The following PROSER3 variants were observed in gnomAD, a reference collection of about 807,000 sequenced individuals.
PROSER3 encodes the protein proline and serine rich 3, also known as proline and serine-rich protein 3.
A neutral mutation model predicts 50.2 loss-of-function variants in PROSER3; 33 were observed. That is an observed-to-expected ratio of 0.66 (90% CI 0.50 to 0.88). The LOEUF (loss-of-function observed/expected upper bound fraction) is 0.88, where lower values mean the gene tolerates loss of function less well. Ranked by LOEUF, PROSER3 falls within the 40% of genes least tolerant of loss-of-function variation. The pLI, the probability that PROSER3 is intolerant of heterozygous loss-of-function variation, is 0.00. For synonymous variants in PROSER3, 266 were observed against 259.3 expected (o/e 1.03, Z -0.25); for missense variants, 623 against 612.7 (o/e 1.02, Z -0.18).
rs369872849 is a variant in PROSER3 at position 35,760,379 on chromosome 19, G to C, written c.311+388G>C. ...ATTACGATGCATGCCACCACACCCA[G>C]CAAACCTCCCACCTTGGCCTCCAAA... is the stretch of plus-strand genomic sequence containing the variant. On this transcript the variant is annotated intron_variant, in intron 3 of 10. Coordinates refer to ENST00000396908, the Ensembl canonical transcript of PROSER3. Among the ~76,000 whole-genome samples, 4 of 152,080 alleles carry C rather than the reference G, an allele frequency of 2.6e-5. No individual in the cohort carries two copies. In the East Asian group the frequency reaches 7.7e-4, roughly 29 times the overall value.
intron 7 of PROSER3, among the ~76,000 whole-genome samples, chr19:35,766,211 ACTG>A (rs1971136449): frequency 1.3e-5 from 2 of 152,048 alleles, no homozygotes; most frequent in African/African-American, 4.8e-5. Context: ...TCTTCTGGTC[ACTG>A]CTGTAACTCC....
At chr19:35,761,679 A>G (rs1970956251) in intron 3 of PROSER3, among the ~76,000 whole-genome samples, 1 of 152,074 alleles carries the variant, frequency 6.6e-6, no homozygotes, top group African/African-American at 2.4e-5. Context: ...AAACTAATTA[A>G]TTACAAATAA....
exon 7 of PROSER3, chr19:35,765,048 C>G: frequency 6.2e-7 from 1 of 1,607,872 alleles, no homozygotes; most frequent in Non-Finnish European, 8.5e-7. Flanking sequence ...GCCTCCATCT[C>G]CTCCTCCTCC....
At chr19:35,766,407 G>C (rs1971142726) in intron 7 of PROSER3, among the ~76,000 whole-genome samples, 1 of 152,094 alleles carries the variant, frequency 6.6e-6, no homozygotes, top group African/African-American at 2.4e-5. Context: ...TTACCCCCGT[G>C]TGGTGGCACA....
chr19:35,758,647 T>C, intron 1 of PROSER3: 1 of 192,818 alleles, frequency 5.2e-6, no homozygotes, highest in Non-Finnish European at 1.1e-5. Flanking sequence ...CTCGGTGATA[T>C]AATCCAGCCG....
chr19:35,764,519 G>A (rs1971071412), intron 5 of PROSER3, among the ~76,000 whole-genome samples: 1 of 152,186 alleles, frequency 6.6e-6, no homozygotes, highest in South Asian at 2.1e-4. Context: ...AGCCGAGCGT[G>A]GTGGCGCATG....
intron 5 of PROSER3, among the ~76,000 whole-genome samples, chr19:35,763,208 C>G (rs912298614): frequency 2.0e-5 from 3 of 151,656 alleles, no homozygotes; most frequent in East Asian, 3.9e-4. Flanking sequence ...CCATGCCCCC[C>G]CTTTTTTTTT....
In PROSER3 at chr19:35,768,137, CT is replaced by C; in HGVS notation, c.1220-14del. 1 of 1,611,142 alleles carries C rather than the reference CT, an allele frequency of 6.2e-7. No homozygotes were observed. The highest frequency in any genetic ancestry group is 8.5e-7 in the Non-Finnish European group (1 of 1,178,468). On this transcript the variant is annotated splice_polypyrimidine_tract_variant and intron_variant, in intron 9 of 10. Coordinates refer to ENST00000396908, the Ensembl canonical transcript of PROSER3. ...AGAGGCCGGCCCCTTGGAGCTCATTCTTTTCTCCCCGGCCCAGACTCCGACG... is the reference window on the plus strand; with the variant it reads ...AGAGGCCGGCCCCTTGGAGCTCATTCTTTCTCCCCGGCCCAGACTCCGACG...
intron 3 of PROSER3, among the ~76,000 whole-genome samples, 158 bp downstream of exon 3, chr19:35,760,149 T>G (rs1278606227): frequency 6.6e-6 from 1 of 152,208 alleles, no homozygotes; most frequent in Non-Finnish European, 1.5e-5. Context: ...ACTGCCTGAG[T>G]TCAAATCCCA....
At chr19:35,770,042 C>G (rs1359004958), downstream of PROSER3, among the ~76,000 whole-genome samples, 22 of 152,062 alleles carry the variant, frequency 1.4e-4, no homozygotes, top group South Asian at 4.2e-4. Context: ...GTAGCTGGGA[C>G]TACAGGCGTG....
At chr19:35,758,197 G>A (rs1056200228) in exon 1 of PROSER3, 2 of 1,559,256 alleles carry the variant, frequency 1.3e-6, no homozygotes, top group Non-Finnish European at 1.7e-6. Context: ...GCGGCCGGAA[G>A]CGCGGAGGGA....
chr19:35,769,470 A>C (rs947321036), downstream of PROSER3: 5 of 151,558 alleles, frequency 3.3e-5, no homozygotes, highest in African/African-American at 1.2e-4. Flanking sequence ...ACGGTCGGCT[A>C]ATTTTTTTTG....
At position 35,767,328 on chromosome 19, in the gene PROSER3, G is replaced by A. The variant is rs188442966; in HGVS notation, c.957+373G>A. 204 of 285,838 alleles carry A rather than the reference G, an allele frequency of 7.1e-4. 4 individuals are homozygous for A. The East Asian group carries it at 0.013, about 18-fold the overall frequency. 17.7% of individuals were successfully genotyped at this position (285,838 alleles called of 1,614,324 possible). A position where few individuals can be genotyped will look rare whatever the true frequency, so the allele number is the denominator to read the frequency against. On this transcript the variant is annotated intron_variant, in intron 8 of 10. Transcript: ENST00000396908. ...CAGGCCTCCACCCTAGCACATCTGG[G>A]CTCTACCCTCGCGCCCCCGGCTTCC...
chr19:35,762,067 C>T (rs767299636), exon 4 of PROSER3: 95 of 1,611,322 alleles, frequency 5.9e-5, no homozygotes, highest in Non-Finnish European at 7.9e-5. Context: ...GAGAGGAGCG[C>T]CAGCCTGCAG....
chr19:35,768,124 C>T (rs767309906), intron 9 of PROSER3, 31 bp from the exon 10 acceptor site: 5 of 1,608,222 alleles, frequency 3.1e-6, no homozygotes, highest in Non-Finnish European at 4.2e-6. Context: ...AGGCCGGCCC[C>T]TTGGAGCTCA....
intron 5 of PROSER3, among the ~76,000 whole-genome samples, chr19:35,763,896 T>G (rs1294458871): frequency 6.6e-6 from 1 of 151,442 alleles, no homozygotes; most frequent in African/African-American, 2.4e-5. Flanking sequence ...TTGAACTCTT[T>G]GCAACCTTCG....
chr19:35,766,152 G>A (rs919536107), intron 7 of PROSER3, among the ~76,000 whole-genome samples: 3 of 152,154 alleles, frequency 2.0e-5, no homozygotes, highest in African/African-American at 7.2e-5. Context: ...GGCTGGAGCA[G>A]GGTGAGGGCT....
exon 11 of PROSER3, chr19:35,768,592 C>A (rs231216): frequency 0.32 from 476,087 of 1,470,570 alleles, 80,999 homozygotes; most frequent in African/African-American, 0.59. Context: ...TTTTTTTTTT[C>A]ATACAGTTAC....
chr19:35,766,356 G>A (rs1971141057), intron 7 of PROSER3, among the ~76,000 whole-genome samples: 1 of 152,064 alleles, frequency 6.6e-6, no homozygotes, highest in Middle Eastern at 3.2e-3. Context: ...AGACCAGCTT[G>A]GGCAACAAAG....
Sources: gnomAD v4.1 joint callset for allele counts (sites outside exome capture counted in the v4.1 genomes callset) on GRCh38, gnomAD v4.1.1 for gene constraint, MANE v1.5 for transcripts, NCBI Gene and HGNC (gene_info 2026-07-23, HGNC 2026-07-21) for gene names.